The following EYS variants were observed in gnomAD, a reference collection of about 807,000 sequenced individuals.
EYS encodes the protein EGF-like photoreceptor maintenance factor.
A neutral mutation model predicts 282.1 loss-of-function variants in EYS; 250 were observed. The observed-to-expected ratio is 0.89, with a 90% CI of 0.80 to 0.98. The LOEUF (loss-of-function observed/expected upper bound fraction) is 0.98. Among genes scored for constraint, EYS ranks in the 50% least tolerant of loss-of-function variants. The pLI is 0.00. For missense variants in EYS, 4,016 were observed against 3,709.0 expected (o/e 1.08, Z -2.15); for synonymous variants, 1,355 against 1,282.9 (o/e 1.06, Z -1.20).
At chr6:64,322,847 G>A (rs1238201150) in intron 29 of EYS, among the ~76,000 whole-genome samples, 6 of 151,940 alleles carry the variant, frequency 3.9e-5, no homozygotes, top group Admixed American at 6.6e-5. Flanking sequence ...AATGTCTCTG[G>A]ACAATGGAAC....
At chr6:64,296,571 TATATATATATATAC>T (rs1440973835) in intron 30 of EYS, among the ~76,000 whole-genome samples, 8 of 8,796 alleles carry the variant, frequency 9.1e-4, no homozygotes, top group African/African-American at 5.5e-3. Context: ...TATATATATA[TATATATATATATAC>T]ATATATATAT....
intron 28 of EYS, 83 bp from the exon 29 acceptor site, chr6:64,388,923 G>T (rs1773004083): frequency 4.4e-6 from 4 of 899,238 alleles, no homozygotes; most frequent in Admixed American, 3.9e-5. Flanking sequence ...ATTATCAAAA[G>T]AATAATTTAA....
chr6:65,146,023 T>C (rs1764467947), intron 12 of EYS, among the ~76,000 whole-genome samples: 2 of 151,866 alleles, frequency 1.3e-5, no homozygotes, highest in African/African-American at 4.8e-5. Flanking sequence ...TCAACTTTTC[T>C]ATGAATTCAG....
rs377216870 is a variant in EYS, at chr6:64,912,619, G to A, written c.2506C>T (p.Leu836=). ...TGTCCAGTATAAAGGGGTGGGCACA[G>A]ACATACAAATTGTCCAGGGATGGTA... ...ESTIPGQFVC[L]CPPLYTGQFC... is the part of the protein sequence containing the mutation. Residue 836 remains leucine, a synonymous_variant, in exon 16 of 43, where the codon CTG becomes TTG. Transcript: ENST00000503581. 29 of 1,551,114 alleles carry A rather than the reference G, an allele frequency of 1.9e-5. No homozygotes were observed. In the African/African-American group the frequency reaches 3.6e-4, roughly 19 times the overall value.
rs1033209306 is a variant in EYS at position 65,005,603 on chromosome 6, G to A, written c.2138-7900C>T. 4.1e-5 allele frequency among the ~76,000 whole-genome samples: 6 copies of A among 147,494 alleles called. 1 individual carries two copies. The South Asian group carries it at 8.8e-4, about 22-fold the overall frequency. Reference sequence around the variant, plus strand: ...GGAGGAAAATACCGGGCACCTGTCCGCCAGTTAAAAACGATTAGCATGGCC... The same window carrying A: ...GGAGGAAAATACCGGGCACCTGTCCACCAGTTAAAAACGATTAGCATGGCC... On this transcript the variant is annotated intron_variant, in intron 13 of 42. Transcript: ENST00000503581.
chr6:64,273,909 T>C (rs552396802), intron 30 of EYS, among the ~76,000 whole-genome samples: 32 of 152,212 alleles, frequency 2.1e-4, no homozygotes, highest in Non-Finnish European at 4.1e-4. Flanking sequence ...TGTATTTCCT[T>C]GTATGTAGAC....
chr6:63,898,702 G>T (rs1405996323), intron 35 of EYS, among the ~76,000 whole-genome samples: 1 of 151,956 alleles, frequency 6.6e-6, no homozygotes, highest in Non-Finnish European at 1.5e-5. Context: ...TACTAATATG[G>T]TGATTTTATT....
chr6:65,604,946 C>G (rs1352611350), intron 2 of EYS, among the ~76,000 whole-genome samples: 1 of 149,074 alleles, frequency 6.7e-6, no homozygotes, highest in Non-Finnish European at 1.5e-5. Flanking sequence ...CAGGCTTAAG[C>G]TAGTCTCCCA....
chr6:64,293,045 AC>A (rs1272749059), intron 30 of EYS, among the ~76,000 whole-genome samples: 3 of 152,174 alleles, frequency 2.0e-5, no homozygotes, highest in African/African-American at 7.2e-5. Context: ...TCAATATGTC[AC>A]TTTACTTTAA....
At chr6:64,885,303 T>C (rs1020033839) in intron 19 of EYS, among the ~76,000 whole-genome samples, 1 of 151,718 alleles carries the variant, frequency 6.6e-6, no homozygotes, top group African/African-American at 2.4e-5. Context: ...CAATGCTAAG[T>C]ACCATATTTT....
intron 13 of EYS, among the ~76,000 whole-genome samples, chr6:65,050,627 C>T (rs538660532): frequency 6.6e-6 from 1 of 151,656 alleles, no homozygotes; most frequent in African/African-American, 2.4e-5. Context: ...ATATTTTATA[C>T]TCCAAGAATC....
At chr6:65,637,671 C>A (rs546419969) in intron 2 of EYS, among the ~76,000 whole-genome samples, 1 of 152,330 alleles carries the variant, frequency 6.6e-6, no homozygotes, top group African/African-American at 2.4e-5. Flanking sequence ...CCCACTCTGG[C>A]ATGGAGCAAA....
intron 5 of EYS, among the ~76,000 whole-genome samples, chr6:65,406,431 TA>T (rs1490853097): frequency 6.6e-6 from 1 of 152,062 alleles, no homozygotes; most frequent in African/African-American, 2.4e-5. Context: ...ACTTTTCCTT[TA>T]ATTAAGTCCA....
intron 31 of EYS, among the ~76,000 whole-genome samples, chr6:64,137,130 GC>G (rs1425204270): frequency 6.6e-6 from 1 of 152,082 alleles, no homozygotes; most frequent in Non-Finnish European, 1.5e-5. Context: ...CATGGAGATG[GC>G]TTCTTAAACC....
At chr6:65,331,507 G>C (rs573123321) in intron 11 of EYS, 2 of 943,946 alleles carry the variant, frequency 2.1e-6, no homozygotes, top group Non-Finnish European at 2.5e-6. Flanking sequence ...TGCAACATTT[G>C]TTGGGCTCCA....
intron 11 of EYS, among the ~76,000 whole-genome samples, chr6:65,319,402 A>T (rs572330360): frequency 8.3e-4 from 126 of 151,134 alleles, no homozygotes; most frequent in Non-Finnish European, 1.4e-3. Context: ...ATATATATAT[A>T]TTTTTAATTA....
intron 12 of EYS, among the ~76,000 whole-genome samples, chr6:65,082,474 T>C (rs1038732431): frequency 1.3e-5 from 2 of 152,150 alleles, no homozygotes; most frequent in African/African-American, 4.8e-5. Context: ...GGGAAAAATA[T>C]GTTAAAACAG....
At chr6:65,471,598 T>C (rs1765220536) in intron 5 of EYS, among the ~76,000 whole-genome samples, 1 of 152,104 alleles carries the variant, frequency 6.6e-6, no homozygotes, top group African/African-American at 2.4e-5. Flanking sequence ...GTTGACGTAA[T>C]TGAAAATTCA....
intron 12 of EYS, among the ~76,000 whole-genome samples, chr6:65,168,012 C>T (rs1374023529): frequency 1.3e-5 from 2 of 151,206 alleles, no homozygotes; most frequent in Non-Finnish European, 3.0e-5. Context: ...ACAGAGAGAA[C>T]AGTTATTTTA....
Sources: gnomAD v4.1 joint callset for allele counts (sites outside exome capture counted in the v4.1 genomes callset) on GRCh38, gnomAD v4.1.1 for gene constraint, MANE v1.5 for transcripts, NCBI Gene and HGNC (gene_info 2026-07-23, HGNC 2026-07-21) for gene names.